TASP1: variants seen among roughly 807,000 people sequenced by gnomAD.
TASP1 encodes the protein threonine aspartase 1.
In TASP1, 16 loss-of-function variants were observed where a neutral mutation model predicts 56.6. That is an observed-to-expected ratio of 0.28 (90% confidence interval 0.19 to 0.43). The LOEUF is 0.43. Among genes scored for constraint, TASP1 ranks in the 20% least tolerant of loss-of-function variants. The pLI is 1.00. For missense variants in TASP1, 393 were observed against 511.6 expected, an observed-to-expected ratio of 0.77 and a Z score of 2.24; for synonymous variants, 179 against 184.2, an observed-to-expected ratio of 0.97 and a Z score of 0.23.
chr20:13,142,889 C>T, the TASP1 span, among the ~76,000 whole-genome samples: 1 of 152,014 alleles, frequency 6.6e-6, no homozygotes, highest in Admixed American at 6.5e-5. Context: ...GAGAGTCTCC[C>T]TCACATCAAA....
At chr20:13,138,041 C>T in the TASP1 span, among the ~76,000 whole-genome samples, 1 of 152,192 alleles carries the variant, frequency 6.6e-6, no homozygotes, top group African/African-American at 2.4e-5. Flanking sequence ...CCAGGGAGAC[C>T]TTCCCTAAAC....
chr20:13,464,419 G>A (rs949630424), intron 11 of TASP1, among the ~76,000 whole-genome samples: 2 of 152,120 alleles, frequency 1.3e-5, no homozygotes, highest in Non-Finnish European at 2.9e-5. Flanking sequence ...TTAACTGTGA[G>A]GAAATAAATT....
At chr20:13,372,361 CTCTG>C in the TASP1 span, among the ~76,000 whole-genome samples, 1 of 152,174 alleles carries the variant, frequency 6.6e-6, no homozygotes, top group African/African-American at 2.4e-5. Flanking sequence ...TTTCCTGGGT[CTCTG>C]TCTGCTGATC....
chr20:13,458,315 T>A (rs1379883514), intron 11 of TASP1, among the ~76,000 whole-genome samples: 1 of 152,096 alleles, frequency 6.6e-6, no homozygotes, highest in African/African-American at 2.4e-5. Context: ...AATTCAAATT[T>A]TTAATTTCCA....
chr20:13,634,141 G>A (rs1024236199), intron 1 of TASP1, among the ~76,000 whole-genome samples: 3 of 151,978 alleles, frequency 2.0e-5, no homozygotes, highest in African/African-American at 7.3e-5. Context: ...CAACCCAAAG[G>A]TCCATCAACT....
At chr20:13,187,701 T>G in the TASP1 span, among the ~76,000 whole-genome samples, 2 of 117,606 alleles carry the variant, frequency 1.7e-5, no homozygotes, top group Non-Finnish European at 3.2e-5. Flanking sequence ...ACCACTGCAC[T>G]CCAGCCTGGC....
the TASP1 span, among the ~76,000 whole-genome samples, chr20:13,198,454 T>C: frequency 6.6e-6 from 1 of 152,158 alleles, no homozygotes; most frequent in Non-Finnish European, 1.5e-5. Context: ...CTTCATGACC[T>C]AATTACCTGC....
chr20:13,345,944 A>G, the TASP1 span, among the ~76,000 whole-genome samples: 1 of 150,194 alleles, frequency 6.7e-6, no homozygotes, highest in African/African-American at 2.5e-5. Context: ...AAAAAAAAGA[A>G]TGAAGAACAG....
chr20:13,386,447 T>G (rs2041163351), downstream of TASP1, among the ~76,000 whole-genome samples: 1 of 146,514 alleles, frequency 6.8e-6, no homozygotes, highest in Non-Finnish European at 1.5e-5. Flanking sequence ...TTTCTAATTT[T>G]TTTCCTAATA....
intron 8 of TASP1, among the ~76,000 whole-genome samples, chr20:13,553,990 G>A (rs552849381): frequency 6.6e-6 from 1 of 152,262 alleles, no homozygotes; most frequent in South Asian, 2.1e-4. Context: ...CTACTAAGGA[G>A]AAGTTTATTG....
At chr20:13,242,228 C>T in the TASP1 span, among the ~76,000 whole-genome samples, 1 of 151,952 alleles carries the variant, frequency 6.6e-6, no homozygotes, top group African/African-American at 2.4e-5. Context: ...TTGAAGTCAC[C>T]AAAAAGGACA....
chr20:13,572,543 G>A (rs766004246), intron 6 of TASP1, among the ~76,000 whole-genome samples: 9 of 151,912 alleles, frequency 5.9e-5, no homozygotes, highest in Admixed American at 3.3e-4. Context: ...AAAATATGCC[G>A]GGTGTGATGG....
At chr20:13,374,349 A>ATTT in the TASP1 span, among the ~76,000 whole-genome samples, 1,547 of 142,280 alleles carry the variant, frequency 0.011, 29 homozygotes, top group African/African-American at 0.037. Flanking sequence ...CTGTCTCGTA[A>ATTT]TTTTTTTTTT....
At chr20:13,568,210 C>T (rs940054885) in intron 7 of TASP1, among the ~76,000 whole-genome samples, 33 of 152,036 alleles carry the variant, frequency 2.2e-4, no homozygotes, top group African/African-American at 7.7e-4. Flanking sequence ...TACAGTGGTG[C>T]AATCATAGCC....
chr20:13,345,724 T>C, the TASP1 span, among the ~76,000 whole-genome samples: 550 of 152,124 alleles, frequency 3.6e-3, 1 homozygote, highest in Middle Eastern at 0.01. Flanking sequence ...ACCAGATGCT[T>C]GTTCGCTGAG....
At chr20:13,508,482 G>A (rs1316695776) in intron 10 of TASP1, among the ~76,000 whole-genome samples, 1 of 152,094 alleles carries the variant, frequency 6.6e-6, no homozygotes, top group Non-Finnish European at 1.5e-5. Flanking sequence ...GATTAGGGAT[G>A]CTCAACTGGT....
the TASP1 span, among the ~76,000 whole-genome samples, chr20:13,303,831 T>C: frequency 6.6e-6 from 1 of 152,242 alleles, no homozygotes; most frequent in Non-Finnish European, 1.5e-5. Context: ...TCTGAGATTA[T>C]GGTAAGTGAT....
chr20:13,240,273 AATT>A, the TASP1 span, among the ~76,000 whole-genome samples: 2 of 152,194 alleles, frequency 1.3e-5, no homozygotes, highest in African/African-American at 2.4e-5. Flanking sequence ...AGAATAAAGG[AATT>A]ATTATAGATT....
chr20:13,580,872 A>G (rs748367651), intron 6 of TASP1, 25 bp downstream of exon 6: 1 of 1,612,150 alleles, frequency 6.2e-7, no homozygotes, highest in South Asian at 1.1e-5. Flanking sequence ...AAGACAGGGA[A>G]AGTCAGGAAG....
Sources: gnomAD v4.1 joint callset for allele counts (sites outside exome capture counted in the v4.1 genomes callset) on GRCh38, gnomAD v4.1.1 for gene constraint, MANE v1.5 for transcripts, NCBI Gene and HGNC (gene_info 2026-07-23, HGNC 2026-07-21) for gene names.